The following SV2B variants were observed in gnomAD, a reference collection of about 807,000 sequenced individuals.
SV2B encodes solute carrier family 22 member B2.
In SV2B, 41 loss-of-function variants were observed where a neutral mutation model predicts 73.9. The ratio of observed to expected loss-of-function variants is 0.56; its 90% confidence interval spans 0.43 to 0.72. The LOEUF (loss-of-function observed/expected upper bound fraction) is 0.72. Ranked by LOEUF, SV2B falls within the 30% of genes least tolerant of loss-of-function variation. The pLI is 0.00. For missense variants in SV2B, 764 were observed against 857.8 expected (o/e 0.89, Z 1.37); for synonymous variants, 314 against 314.2 (o/e 1.00, Z 0.01).
intron 1 of SV2B, among the ~76,000 whole-genome samples, chr15:91,194,441 T>C (rs2045167490): frequency 6.6e-6 from 1 of 152,236 alleles, no homozygotes; most frequent in Admixed American, 6.5e-5. Flanking sequence ...AACATTCTTG[T>C]GTATGTCTTT....
intron 1 of SV2B, among the ~76,000 whole-genome samples, chr15:91,157,316 T>A (rs1398254216): frequency 2.0e-5 from 3 of 151,958 alleles, no homozygotes; most frequent in African/African-American, 7.3e-5. Context: ...TCAAGGGAGG[T>A]GTCCTAGATC....
rs1056021183 is a variant in SV2B, at chr15:91,236,307, T to A, written c.451+9593T>A. Among the ~76,000 whole-genome samples, 2 of 152,194 alleles carry A rather than the reference T, an allele frequency of 1.3e-5. No homozygotes were observed. Among genetic ancestry groups the A allele is most frequent in the African/African-American group, 4.8e-5 (2 of 41,432 alleles). On this transcript the variant is annotated intron_variant, in intron 2 of 12. Transcript: ENST00000394232. The surrounding 1 kb of genome is among the most constrained non-coding windows in gnomAD (Gnocchi z 4.1). ...GAATAAACATATGTTATTTATTTAT[T>A]TGTATTGATTCACCTATATTTATGC...
chr15:91,219,917 C>G (rs180743184), intron 1 of SV2B, among the ~76,000 whole-genome samples: 9 of 152,190 alleles, frequency 5.9e-5, no homozygotes, highest in Non-Finnish European at 7.3e-5. Flanking sequence ...TTTCATTTGA[C>G]GTAATGTTCA....
intron 1 of SV2B, among the ~76,000 whole-genome samples, chr15:91,175,419 T>C (rs1408384348): frequency 6.6e-6 from 1 of 151,990 alleles, no homozygotes; most frequent in Non-Finnish European, 1.5e-5. Flanking sequence ...CATGCCCAGA[T>C]AATTTTTTGT....
chr15:91,286,142 C>T (rs546149011), intron 11 of SV2B, among the ~76,000 whole-genome samples: 5 of 152,316 alleles, frequency 3.3e-5, no homozygotes, highest in African/African-American at 1.2e-4. Flanking sequence ...TTCTTTGTCT[C>T]TCTACCCTTC....
chr15:91,222,869 G>C (rs2046261786), intron 1 of SV2B, among the ~76,000 whole-genome samples: 1 of 152,188 alleles, frequency 6.6e-6, no homozygotes, highest in African/African-American at 2.4e-5. Flanking sequence ...ACTCAATTCA[G>C]TTGCACTTGT....
rs1225008135 is a variant in SV2B, at chr15:91,225,573, G to A, written c.-391-300G>A. 3.3e-5 allele frequency among the ~76,000 whole-genome samples: 5 copies of A among 152,000 alleles called. 1 individual carries two copies. The highest frequency in any genetic ancestry group is 6.5e-5 in the Admixed American group (1 of 15,274). ...TTATACTTTAAGTTCTAGGGTACAT[G>A]TGCACAACGTGCAGGTTCGTTACAT... On this transcript the variant is annotated intron_variant, in intron 1 of 12. Transcript: ENST00000394232.
chr15:91,231,126 A>AG lies in SV2B; in HGVS notation c.451+4412_451+4413insG, dbSNP rs113438755. On this transcript the variant is annotated intron_variant, in intron 2 of 12. Coordinates refer to ENST00000394232, the MANE Select transcript of SV2B (RefSeq NM_001323032.3). This position sits in a 1 kb window ranked among gnomAD's most constrained non-coding sequence, Gnocchi z 4.5. Reference sequence around the variant, plus strand: ...CATTTTCTGGGTATGTAAAAAAAAAATCACCCGAAGAAATGATTAAACTTA... The same window carrying AG: ...CATTTTCTGGGTATGTAAAAAAAAAAGTCACCCGAAGAAATGATTAAACTTA... 3.9e-5 allele frequency among the ~76,000 whole-genome samples: 6 copies of AG among 152,206 alleles called. No individual in the cohort carries two copies. The highest frequency in any genetic ancestry group is 6.8e-3 in the Middle Eastern group (2 of 294).
chr15:91,194,065 T>C (rs1236169325), intron 1 of SV2B, among the ~76,000 whole-genome samples: 1 of 151,840 alleles, frequency 6.6e-6, no homozygotes, highest in African/African-American at 2.4e-5. Context: ...ATGGGTTCGA[T>C]GGTCAGGGAG....
intron 1 of SV2B, among the ~76,000 whole-genome samples, chr15:91,213,107 C>T (rs1320785497): frequency 3.3e-5 from 5 of 151,902 alleles, no homozygotes; most frequent in Admixed American, 6.6e-5. Context: ...GAACTGAGAT[C>T]GTGCCACTGC....
chr15:91,144,703 A>G (rs551411776), intron 1 of SV2B, among the ~76,000 whole-genome samples: 5 of 152,304 alleles, frequency 3.3e-5, no homozygotes, highest in South Asian at 2.1e-4. Flanking sequence ...AGAAGAGGAC[A>G]CGGGATAGAG....
Position 91,289,395 on chromosome 15 carries a change from A to G in SV2B, c.1709-126A>G. The stretch of plus-strand genomic sequence containing the variant: ...TCTCTCTGTGTGGAGGGTGAACCTA[A>G]TACTTCAGGCAGCCTTGGCTTCAGG... On this transcript the variant is annotated intron_variant, in intron 11 of 12. Coordinates refer to ENST00000394232, the MANE Select transcript of SV2B (RefSeq NM_001323032.3). The surrounding 1 kb of genome is among the most constrained non-coding windows in gnomAD (Gnocchi z 4.9). The G allele has an allele frequency of 1.6e-6, 2 of 1,219,208 alleles. No individual in the cohort carries two copies. Among genetic ancestry groups the G allele is most frequent in the Non-Finnish European group, 2.4e-6 (2 of 832,714 alleles). The allele number at this position is 1,219,208 out of a possible 1,614,324, so 75.5% of individuals were successfully genotyped here.
rs115886577 is a variant in SV2B at position 91,141,226 on chromosome 15, A to C, written c.-392+40863A>C. The stretch of plus-strand genomic sequence containing the variant: ...AAACTCCAATTTTGGCAGGGTTCTT[A>C]GGGGATTTCTGATGTACAGCTTGAG... On this transcript the variant is annotated intron_variant, in intron 1 of 12. Transcript: ENST00000394232. The surrounding 1 kb of genome is among the most constrained non-coding windows in gnomAD (Gnocchi z 4.6). Among the ~76,000 whole-genome samples the C allele has an allele frequency of 3.1e-3, 467 of 152,282 alleles. 3 individuals carry two copies. The highest frequency in any genetic ancestry group is 0.014 in the Middle Eastern group (4 of 292).
intron 1 of SV2B, among the ~76,000 whole-genome samples, chr15:91,144,679 G>A (rs1057456480): frequency 6.6e-6 from 1 of 152,220 alleles, no homozygotes; most frequent in African/African-American, 2.4e-5. Flanking sequence ...CATTTCAACA[G>A]CGGGACAGCT....
At chr15:91,158,674 CTCTTCTCTTCTCTT>C (rs2043582498) in intron 1 of SV2B, among the ~76,000 whole-genome samples, 1 of 71,102 alleles carries the variant, frequency 1.4e-5, no homozygotes, top group Non-Finnish European at 2.9e-5. Context: ...CTCTTCTCTT[CTCTTCTCTTCTCTT>C]CTCTTCTCTT....
chr15:91,154,876 C>G (rs1209902520), intron 1 of SV2B, among the ~76,000 whole-genome samples: 1 of 152,038 alleles, frequency 6.6e-6, no homozygotes, highest in Non-Finnish European at 1.5e-5. Flanking sequence ...TTTAAGCCAC[C>G]CAGGTTTGCA....
At chr15:91,113,273 A>T (rs1030137016) in intron 1 of SV2B, among the ~76,000 whole-genome samples, 3 of 152,208 alleles carry the variant, frequency 2.0e-5, no homozygotes, top group Non-Finnish European at 2.9e-5. Flanking sequence ...AGTTTTGTTG[A>T]TGCGGTGAGA....
At chr15:91,273,906 A>G (rs184156888) in intron 9 of SV2B, among the ~76,000 whole-genome samples, 30 of 152,294 alleles carry the variant, frequency 2.0e-4, no homozygotes, top group Non-Finnish European at 1.2e-4. Context: ...TAAACATTGT[A>G]CAGCAGTCTT....
rs181296471 is a variant in SV2B at position 91,208,532 on chromosome 15, G to C, written c.-391-17341G>C. On this transcript the variant is annotated intron_variant, in intron 1 of 12. Coordinates refer to ENST00000394232, the MANE Select transcript of SV2B (RefSeq NM_001323032.3). Reference sequence around the variant, plus strand: ...CCGGATGACAGCAGCAGGCAGCTCTGGGGGTGGACCCTGGATGATGCCTGA... The same window carrying C: ...CCGGATGACAGCAGCAGGCAGCTCTCGGGGTGGACCCTGGATGATGCCTGA... Among the ~76,000 whole-genome samples the C allele has an allele frequency of 9.8e-4, 150 of 152,316 alleles. 2 individuals are homozygous for C. Among genetic ancestry groups the C allele is most frequent in the African/African-American group, 3.5e-3 (145 of 41,572 alleles).
Sources: gnomAD v4.1 joint callset for allele counts (sites outside exome capture counted in the v4.1 genomes callset) on GRCh38, gnomAD v4.1.1 for gene constraint, Gnocchi (gnomAD v3.1) non-coding constraint, MANE v1.5 for transcripts, NCBI Gene and HGNC (gene_info 2026-07-23, HGNC 2026-07-21) for gene names.